NDUFA10: variants seen among roughly 807,000 people sequenced by gnomAD.
NDUFA10 encodes NADH dehydrogenase [ubiquinone] 1 alpha subcomplex subunit 10, mitochondrial.
Under a neutral mutation model 47.8 loss-of-function variants are expected in NDUFA10, and 40 were observed. The observed-to-expected ratio is 0.84, with a 90% CI of 0.65 to 1.09. The LOEUF (loss-of-function observed/expected upper bound fraction) is 1.09. Among genes scored for constraint, NDUFA10 ranks in the 50% least tolerant of loss-of-function variants. The probability of loss-of-function intolerance (pLI) is 0.00; values close to 1 mark genes in which losing one functional copy is unlikely to be tolerated. For missense variants in NDUFA10, 413 were observed against 451.1 expected (o/e 0.92, Z 0.76); for synonymous variants, 183 against 172.2 (o/e 1.06, Z -0.49).
chr2:239,916,009 T>C (rs1693864891), intron 4 of NDUFA10, among the ~76,000 whole-genome samples: 1 of 125,600 alleles, frequency 8.0e-6, no homozygotes, highest in Non-Finnish European at 1.6e-5. Context: ...CACACAAATA[T>C]ACAGATACAT....
At chr2:239,913,067 G>T (rs958173280) in intron 4 of NDUFA10, among the ~76,000 whole-genome samples, 10 of 152,226 alleles carry the variant, frequency 6.6e-5, no homozygotes, top group African/African-American at 2.4e-4. Context: ...GCCACTCGGG[G>T]CCACTGCTGA....
intron 4 of NDUFA10, among the ~76,000 whole-genome samples, chr2:239,910,851 C>T (rs1050815795): frequency 6.6e-6 from 1 of 152,186 alleles, no homozygotes; most frequent in Non-Finnish European, 1.5e-5. Context: ...GCAGGAAGTC[C>T]AGTATTTCCT....
At chr2:240,014,604 A>C in intron 5 of NDUFA10, 135 bp downstream of exon 5, 1 of 1,395,734 alleles carries the variant, frequency 7.2e-7, no homozygotes, top group Non-Finnish European at 1.0e-6. Context: ...CCCTCTCTCA[A>C]GTGGGAACAG....
chr2:239,955,204 G>A (rs1295243569), downstream of NDUFA10, among the ~76,000 whole-genome samples: 1 of 152,152 alleles, frequency 6.6e-6, no homozygotes, highest in Non-Finnish European at 1.5e-5. Flanking sequence ...AGGTGAGGGT[G>A]TCTAAGTCAC....
At chr2:239,924,226 C>T (rs1694034586) in intron 4 of NDUFA10, among the ~76,000 whole-genome samples, 2 of 151,922 alleles carry the variant, frequency 1.3e-5, no homozygotes, top group South Asian at 4.2e-4. Context: ...TTAATAAAAA[C>T]CTGAAAAAGG....
chr2:240,016,170 G>A lies in NDUFA10; in HGVS notation c.548-1310C>T, dbSNP rs1041231559. Among the ~76,000 whole-genome samples, 1 of 152,226 alleles carries A rather than the reference G, an allele frequency of 6.6e-6. No homozygotes were observed. Among genetic ancestry groups the A allele is most frequent in the Non-Finnish European group, 1.5e-5 (1 of 68,034 alleles). On this transcript the variant is annotated intron_variant, in intron 4 of 9. Coordinates refer to ENST00000252711, the MANE Select transcript of NDUFA10 (RefSeq NM_004544.4). This position sits in a 1 kb window ranked among gnomAD's most constrained non-coding sequence, Gnocchi z 4.4. ...AGGAACGGCACGAGCTAAAGAACAA[G>A]GAAGACCACCCAGGAGGAGGTGTGA... is the stretch of plus-strand genomic sequence containing the variant.
chr2:239,897,048 C>G (rs1693411930), intron 4 of NDUFA10, among the ~76,000 whole-genome samples: 1 of 152,198 alleles, frequency 6.6e-6, no homozygotes, highest in Admixed American at 6.5e-5. Flanking sequence ...ATTTTCAACA[C>G]TGAATTAATT....
intron 6 of NDUFA10, among the ~76,000 whole-genome samples, 187 bp downstream of exon 6, chr2:240,011,430 A>G (rs1185465223): frequency 6.6e-6 from 1 of 152,158 alleles, no homozygotes; most frequent in Non-Finnish European, 1.5e-5. Flanking sequence ...AAACAAATAA[A>G]CCAATAAACC....
intron 9 of NDUFA10, among the ~76,000 whole-genome samples, chr2:239,970,761 T>C (rs1168119978): frequency 6.6e-6 from 1 of 152,080 alleles, no homozygotes; most frequent in Non-Finnish European, 1.5e-5. Context: ...AGAAATGAAA[T>C]AAAGAGGGGT....
At chr2:239,917,962 T>G (rs1049451876) in intron 4 of NDUFA10, among the ~76,000 whole-genome samples, 19 of 151,776 alleles carry the variant, frequency 1.3e-4, no homozygotes, top group African/African-American at 4.6e-4. Flanking sequence ...TGGGCTGCAG[T>G]GCAGAATGGG....
Position 240,005,621 on chromosome 2 carries a change from T to C in NDUFA10, c.805-326A>G, listed in dbSNP as rs1014343130. Among the ~76,000 whole-genome samples the C allele has an allele frequency of 6.6e-5, 10 of 152,284 alleles. No homozygotes were observed. The East Asian group carries it at 1.9e-3, about 29-fold the overall frequency. On this transcript the variant is annotated intron_variant, in intron 7 of 9. Coordinates refer to ENST00000252711, the MANE Select transcript of NDUFA10 (RefSeq NM_004544.4). ...ATCCTCCTGCCTCAGCCTCCCAAAG[T>C]GCTGGGATTATAGACGTGAGCCACC...
chr2:239,944,424 C>T (rs191300177), intron 4 of NDUFA10, among the ~76,000 whole-genome samples: 1 of 152,346 alleles, frequency 6.6e-6, no homozygotes, highest in Non-Finnish European at 1.5e-5. Flanking sequence ...CTGGTCACGG[C>T]TCAGGCTGGG....
At position 239,945,211 on chromosome 2, in the gene NDUFA10, G is replaced by A. The variant is rs892074375; in HGVS notation, c.294+44863C>T. On this transcript the variant is annotated intron_variant, in intron 4 of 5. Coordinates refer to the NDUFA10 transcript ENST00000419408. The surrounding 1 kb of genome is among the most constrained non-coding windows in gnomAD (Gnocchi z 4.6). ...ATGACAAGCCACTTCTCAGGTCACC[G>A]GCAGGCGTTGAGCAGGCCGCTCTGC... is the stretch of plus-strand genomic sequence containing the variant. 1.3e-5 allele frequency among the ~76,000 whole-genome samples: 2 copies of A among 152,158 alleles called. No homozygotes were observed. The highest frequency in any genetic ancestry group is 6.5e-5 in the Admixed American group (1 of 15,284).
At chr2:239,920,963 G>A (rs1693966073) in intron 4 of NDUFA10, among the ~76,000 whole-genome samples, 1 of 152,174 alleles carries the variant, frequency 6.6e-6, no homozygotes, top group Admixed American at 6.5e-5. Flanking sequence ...TCCTGGGGAA[G>A]GCTGAATGCC....
intron 9 of NDUFA10, among the ~76,000 whole-genome samples, chr2:239,983,870 G>T (rs1695894490): frequency 6.6e-6 from 1 of 152,186 alleles, no homozygotes; most frequent in African/African-American, 2.4e-5. Flanking sequence ...TCTAGACGGG[G>T]TATTGGAACA....
At chr2:239,969,775 A>C (rs781733436) in intron 9 of NDUFA10, 25 of 471,396 alleles carry the variant, frequency 5.3e-5, no homozygotes, top group East Asian at 3.5e-4. Flanking sequence ...AAACCAACAC[A>C]ATGCAATTAA....
At position 239,960,910 on chromosome 2, in the gene NDUFA10, G is replaced by A; in HGVS notation, c.*208C>T. The A allele has an allele frequency of 1.4e-6, 2 of 1,465,508 alleles. No homozygotes were observed. The highest frequency in any genetic ancestry group is 2.7e-5 in the South Asian group (2 of 74,532). 90.8% of individuals were successfully genotyped at this position (1,465,508 alleles called of 1,614,324 possible). ...GGCCATTCCAAAACAAAGCTAAAGG[G>A]TTCCAAACATCCAGAATGGAAGCTG... On this transcript the variant is annotated 3_prime_UTR_variant, in exon 10 of 10. Transcript: ENST00000252711.
chr2:239,921,867 G>C (rs10165650), intron 4 of NDUFA10, among the ~76,000 whole-genome samples: 46,865 of 151,550 alleles, frequency 0.31, 8,281 homozygotes, highest in African/African-American at 0.48. Flanking sequence ...CCATCCTCCT[G>C]ACCCTCTTCC....
At chr2:239,899,002 A>G (rs536345405) in intron 4 of NDUFA10, among the ~76,000 whole-genome samples, 1,245 of 52,534 alleles carry the variant, frequency 0.024, 90 homozygotes, top group Middle Eastern at 0.037. Flanking sequence ...TGTGATGGAG[A>G]GGTGTGATGG....
Sources: gnomAD v4.1 joint callset for allele counts (sites outside exome capture counted in the v4.1 genomes callset) on GRCh38, gnomAD v4.1.1 for gene constraint, Gnocchi (gnomAD v3.1) non-coding constraint, MANE v1.5 for transcripts, NCBI Gene and HGNC (gene_info 2026-07-23, HGNC 2026-07-21) for gene names.